FRMD6: variants seen among roughly 807,000 people sequenced by gnomAD.
FRMD6 encodes the protein FERM domain containing 6, also known as FERM domain-containing protein 6.
A neutral mutation model predicts 73.2 loss-of-function variants in FRMD6; 37 were observed. The ratio of observed to expected loss-of-function variants is 0.51; its 90% CI spans 0.39 to 0.66. The LOEUF (loss-of-function observed/expected upper bound fraction) is 0.66. FRMD6 is among the 30% of genes least tolerant of loss of function. The pLI, the probability that FRMD6 is intolerant of heterozygous loss-of-function variation, is 0.00. For missense variants in FRMD6, 714 were observed against 780.5 expected (o/e 0.91, Z 1.02); for synonymous variants, 273 against 282.2 (o/e 0.97, Z 0.33).
chr14:51,611,320 C>T (rs943187922), intron 2 of FRMD6, among the ~76,000 whole-genome samples: 6 of 152,280 alleles, frequency 3.9e-5, no homozygotes, highest in Non-Finnish European at 5.9e-5. Context: ...AGAATTCTGG[C>T]ACTAAGGAGA....
chr14:51,548,903 T>C (rs1225030836), intron 1 of FRMD6, among the ~76,000 whole-genome samples: 2 of 152,224 alleles, frequency 1.3e-5, no homozygotes, highest in East Asian at 1.9e-4. Flanking sequence ...ACTCCAGACC[T>C]GAATCAGAAT....
chr14:51,481,351 C>G, the FRMD6 span, among the ~76,000 whole-genome samples: 3,232 of 152,152 alleles, frequency 0.021, 116 homozygotes, highest in African/African-American at 0.074. Flanking sequence ...TGGGGGCAGA[C>G]AAAAGAAGAT....
chr14:51,613,719 C>T lies in FRMD6; in HGVS notation c.-147+43309C>T, dbSNP rs535460669. Among the ~76,000 whole-genome samples the T allele has an allele frequency of 2.6e-5, 4 of 151,872 alleles. No individual in the cohort carries two copies. In the South Asian group the frequency reaches 8.4e-4, roughly 32 times the overall value. On this transcript the variant is annotated intron_variant, in intron 2 of 14. Transcript: ENST00000356218. ...ATGAGCATTTACATCTTAACAAGTC[C>T]CTCTTTGCTCTAAGAAAAAGAGCCC... is the stretch of plus-strand genomic sequence containing the variant.
chr14:51,542,909 A>C (rs1886275902), intron 1 of FRMD6, among the ~76,000 whole-genome samples: 1 of 151,974 alleles, frequency 6.6e-6, no homozygotes, highest in Non-Finnish European at 1.5e-5. Context: ...AGCCATTTGT[A>C]TATCTTCTTT....
At chr14:51,458,247 T>C in the FRMD6 span, among the ~76,000 whole-genome samples, 10 of 152,186 alleles carry the variant, frequency 6.6e-5, no homozygotes, top group Non-Finnish European at 1.5e-4. Context: ...TTTTCTTGCA[T>C]GGCCCCTTTC....
chr14:51,491,657 A>G (rs535485131), intron 1 of FRMD6: 1 of 152,298 alleles, frequency 6.6e-6, no homozygotes, highest in East Asian at 1.9e-4. Context: ...AAAAAAATTT[A>G]AAAAATGAAA....
intron 7 of FRMD6, 99 bp from the exon 8 acceptor site, chr14:51,711,432 C>T (rs1896938845): frequency 1.4e-6 from 1 of 736,426 alleles, no homozygotes; most frequent in Non-Finnish European, 2.1e-6. Context: ...CTTTTCAGTC[C>T]TGAATTTCAA....
At chr14:51,418,109 G>A in the FRMD6 span, among the ~76,000 whole-genome samples, 2 of 152,074 alleles carry the variant, frequency 1.3e-5, no homozygotes, top group South Asian at 4.1e-4. Flanking sequence ...TCCTCCTTTA[G>A]CTCGGAGAAG....
chr14:51,517,759 G>A (rs1884712383), intron 1 of FRMD6, among the ~76,000 whole-genome samples: 3 of 152,148 alleles, frequency 2.0e-5, no homozygotes, highest in Admixed American at 6.5e-5. Context: ...TTATTTCAGA[G>A]TCATGGCCAT....
chr14:51,578,098 A>G (rs1017042304), intron 2 of FRMD6, among the ~76,000 whole-genome samples: 11 of 152,198 alleles, frequency 7.2e-5, no homozygotes, highest in Admixed American at 6.5e-4. Context: ...CAAGTCAACA[A>G]GCAGGAAGGA....
chr14:51,669,096 C>G (rs1766075981), intron 1 of FRMD6, among the ~76,000 whole-genome samples: 1 of 152,124 alleles, frequency 6.6e-6, no homozygotes, highest in Non-Finnish European at 1.5e-5. Context: ...AGATACAGAA[C>G]ATTTTTGTCA....
intron 1 of FRMD6, among the ~76,000 whole-genome samples, chr14:51,503,580 G>T (rs1327965565): frequency 1.3e-5 from 2 of 152,110 alleles, no homozygotes; most frequent in Non-Finnish European, 2.9e-5. Context: ...ACTTGATTGT[G>T]GTGGATAAGC....
At position 51,578,735 on chromosome 14, in the gene FRMD6, C is replaced by T. The variant is rs554326699; in HGVS notation, c.-147+8325C>T. Among the ~76,000 whole-genome samples the T allele has an allele frequency of 4.0e-3, 607 of 152,086 alleles. 3 individuals carry two copies. Among genetic ancestry groups the T allele is most frequent in the African/African-American group, 0.013 (559 of 41,472 alleles). On this transcript the variant is annotated intron_variant, in intron 2 of 14. Transcript: ENST00000356218. ...GATATTATGATCCCCAATTTATAGA[C>T]GAGGAAACTGAGGCTGGAAGAGGGC...
intron 2 of FRMD6, among the ~76,000 whole-genome samples, chr14:51,603,441 T>TTTTTTCTTC (rs1400385904): frequency 6.6e-6 from 1 of 152,224 alleles, no homozygotes; most frequent in Non-Finnish European, 1.5e-5. Flanking sequence ...AAGTGATTTT[T>TTTTTTCTTC]TTTTTCTTCT....
the FRMD6 span, among the ~76,000 whole-genome samples, chr14:51,477,321 C>T: frequency 6.6e-6 from 1 of 152,136 alleles, no homozygotes; most frequent in Non-Finnish European, 1.5e-5. Context: ...TCAAGAATTC[C>T]ATGTTCACCC....
chr14:51,416,284 G>A, the FRMD6 span, among the ~76,000 whole-genome samples: 1 of 152,058 alleles, frequency 6.6e-6, no homozygotes, highest in African/African-American at 2.4e-5. Flanking sequence ...TCTTTTGTGG[G>A]CATTTAGTGC....
intron 2 of FRMD6, among the ~76,000 whole-genome samples, chr14:51,605,957 C>T (rs559793019): frequency 6.6e-6 from 1 of 152,284 alleles, no homozygotes; most frequent in Non-Finnish European, 1.5e-5. Context: ...ATGCTGTTGT[C>T]TTCAGAGGGT....
intron 2 of FRMD6, 83 bp from the exon 3 acceptor site, chr14:51,698,059 C>T (rs561497530): frequency 1.0e-5 from 9 of 869,482 alleles, no homozygotes; most frequent in Non-Finnish European, 1.7e-5. Context: ...AATATATTTA[C>T]GATGCATTAA....
intron 1 of FRMD6, among the ~76,000 whole-genome samples, chr14:51,565,713 T>A (rs1596613200): frequency 6.7e-6 from 1 of 148,596 alleles, no homozygotes; most frequent in East Asian, 2.0e-4. Context: ...ATGAAGGAAA[T>A]GGGGCCTCAG....
Sources: allele counts gnomAD v4.1 joint callset (sites outside exome capture counted in the v4.1 genomes callset), GRCh38; gene constraint gnomAD v4.1.1; transcripts MANE v1.5; gene names NCBI Gene and HGNC (gene_info 2026-07-23, HGNC 2026-07-21).